Variants in STAG1 observed in about 807,000 individuals in gnomAD.
The protein encoded by STAG1 is cohesin subunit SA-1.
STAG1 carries 26 observed loss-of-function variants against 170.9 expected under a neutral mutation model. The ratio of observed to expected loss-of-function variants is 0.15; its 90% CI spans 0.11 to 0.21. The LOEUF is 0.21. STAG1 is among the 10% of genes least tolerant of loss of function. The pLI is 1.00. For synonymous variants in STAG1, 514 were observed against 497.7 expected (o/e 1.03, Z -0.44); for missense variants, 964 against 1,509.5 (o/e 0.64, Z 5.99).
At chr3:136,541,027 T>C (rs1390131307) in intron 6 of STAG1, among the ~76,000 whole-genome samples, 1 of 152,050 alleles carries the variant, frequency 6.6e-6, no homozygotes, top group Admixed American at 6.6e-5. Context: ...TTTCTGTTAA[T>C]TTTCTTTAAA....
At position 136,525,675 on chromosome 3, in the gene STAG1, C is replaced by A. The variant is rs373743493; in HGVS notation, c.472-4258G>T. 3.3e-5 allele frequency among the ~76,000 whole-genome samples: 5 copies of A among 152,086 alleles called. No homozygotes were observed. The East Asian group carries it at 7.7e-4, about 23-fold the overall frequency. On this transcript the variant is annotated intron_variant, in intron 6 of 33. Transcript: ENST00000383202. The stretch of plus-strand genomic sequence containing the variant: ...TTTGCTCTTGCTTCTCTGGTTCTTT[C>A]AATTGTGATGTTAGGGTGTCAATTT...
At chr3:136,388,322 AAC>A (rs1271837851) in intron 22 of STAG1, among the ~76,000 whole-genome samples, 1 of 152,172 alleles carries the variant, frequency 6.6e-6, no homozygotes, top group Non-Finnish European at 1.5e-5. Context: ...ACCATGTTCC[AAC>A]ACACACACAA....
intron 1 of STAG1, among the ~76,000 whole-genome samples, chr3:136,698,957 A>C (rs1192247817): frequency 2.0e-5 from 3 of 151,914 alleles, no homozygotes; most frequent in East Asian, 1.9e-4. Context: ...TGAAGTAACT[A>C]AGGAATGGAA....
intron 4 of STAG1, among the ~76,000 whole-genome samples, chr3:136,586,158 T>C (rs1937807719): frequency 6.6e-6 from 1 of 152,142 alleles, no homozygotes; most frequent in East Asian, 1.9e-4. Flanking sequence ...TAAACAATAA[T>C]ATAAATGAAG....
intron 10 of STAG1, among the ~76,000 whole-genome samples, chr3:136,477,007 A>C (rs2089769354): frequency 6.6e-6 from 1 of 152,164 alleles, no homozygotes; most frequent in African/African-American, 2.4e-5. Flanking sequence ...CTGAATTAGA[A>C]AAAGAATATA....
chr3:136,498,424 C>T (rs1193729068), intron 9 of STAG1, among the ~76,000 whole-genome samples: 1 of 150,362 alleles, frequency 6.7e-6, no homozygotes, highest in Non-Finnish European at 1.5e-5. Context: ...TGCATAATTC[C>T]ATTTCTATAA....
intron 7 of STAG1, among the ~76,000 whole-genome samples, chr3:136,519,540 T>G (rs189888837): frequency 2.0e-5 from 3 of 152,078 alleles, no homozygotes; most frequent in Non-Finnish European, 4.4e-5. Flanking sequence ...TCAAGGTTTT[T>G]TTTTCCAAAT....
chr3:136,534,571 A>G (rs912023818), intron 6 of STAG1, among the ~76,000 whole-genome samples: 2 of 152,222 alleles, frequency 1.3e-5, no homozygotes, highest in African/African-American at 4.8e-5. Context: ...ACATAATCGC[A>G]TTAAAAAGTG....
At chr3:136,447,977 T>C (rs916179009) in intron 14 of STAG1, among the ~76,000 whole-genome samples, 4 of 152,222 alleles carry the variant, frequency 2.6e-5, no homozygotes, top group African/African-American at 9.6e-5. Flanking sequence ...TCCAGACTTA[T>C]CACATTCAAG....
chr3:136,694,446 T>A (rs1036022637), intron 1 of STAG1, among the ~76,000 whole-genome samples: 7 of 151,710 alleles, frequency 4.6e-5, no homozygotes, highest in African/African-American at 1.7e-4. Flanking sequence ...TGAGACCGTG[T>A]CTCAACAAAA....
chr3:136,399,410 GT>G (rs2087254088), intron 21 of STAG1, among the ~76,000 whole-genome samples: 1 of 152,018 alleles, frequency 6.6e-6, no homozygotes, highest in South Asian at 2.1e-4. Flanking sequence ...TTGGGAATTG[GT>G]ATATTTTAAT....
chr3:136,641,639 G>C (rs1940802606), intron 1 of STAG1, among the ~76,000 whole-genome samples: 1 of 152,202 alleles, frequency 6.6e-6, no homozygotes, highest in South Asian at 2.1e-4. Context: ...TCATGAAACA[G>C]TAAGGCTAAG....
intron 1 of STAG1, among the ~76,000 whole-genome samples, chr3:136,683,180 T>C (rs777225003): frequency 7.9e-5 from 12 of 152,168 alleles, no homozygotes; most frequent in African/African-American, 2.2e-4. Context: ...TAGAGATTGG[T>C]TGCACAACAA....
At chr3:136,575,518 C>T (rs1186958233) in intron 4 of STAG1, among the ~76,000 whole-genome samples, 1 of 152,166 alleles carries the variant, frequency 6.6e-6, no homozygotes, top group Non-Finnish European at 1.5e-5. Flanking sequence ...CAGAATATTC[C>T]AATGTGGATT....
intron 1 of STAG1, among the ~76,000 whole-genome samples, chr3:136,748,367 C>G (rs1158012237): frequency 6.6e-6 from 1 of 151,952 alleles, no homozygotes; most frequent in African/African-American, 2.4e-5. Context: ...TGCCATTGCA[C>G]TCTGGTCGGG....
intron 1 of STAG1, among the ~76,000 whole-genome samples, chr3:136,647,291 C>T (rs189009530): frequency 3.9e-5 from 6 of 152,176 alleles, no homozygotes; most frequent in African/African-American, 1.4e-4. Context: ...TCTTTCCTGG[C>T]CGGGCATGGT....
At chr3:136,473,164 A>G (rs990292963) in intron 11 of STAG1, among the ~76,000 whole-genome samples, 3 of 151,994 alleles carry the variant, frequency 2.0e-5, no homozygotes, top group African/African-American at 7.2e-5. Context: ...ATGCCTGATG[A>G]TCTGTTACTG....
chr3:136,697,296 A>C (rs1942925773), intron 1 of STAG1, among the ~76,000 whole-genome samples: 1 of 152,178 alleles, frequency 6.6e-6, no homozygotes. Flanking sequence ...TCCCAATCCC[A>C]GTCAGGGTAC....
At chr3:136,684,500 A>G (rs1942444221) in intron 1 of STAG1, among the ~76,000 whole-genome samples, 1 of 152,226 alleles carries the variant, frequency 6.6e-6, no homozygotes, top group Non-Finnish European at 1.5e-5. Flanking sequence ...CTGTAATTCC[A>G]GCACTTTGGG....
Sources: allele counts gnomAD v4.1 joint callset (sites outside exome capture counted in the v4.1 genomes callset), GRCh38; gene constraint gnomAD v4.1.1; transcripts MANE v1.5; gene names NCBI Gene and HGNC (gene_info 2026-07-23, HGNC 2026-07-21).